Variants in ELP3 observed in about 807,000 individuals in gnomAD.
ELP3 encodes elongator acetyltransferase complex subunit 3.
ELP3 carries 56 observed loss-of-function variants against 74.9 expected under a neutral mutation model. The ratio of observed to expected loss-of-function variants is 0.75; its 90% CI spans 0.60 to 0.93. ELP3 has a LOEUF of 0.93. Among genes scored for constraint, ELP3 ranks in the 40% least tolerant of loss-of-function variants. ELP3 has a pLI of 0.00. For missense variants in ELP3, 573 were observed against 686.5 expected (o/e 0.83, Z 1.85); for synonymous variants, 222 against 239.8 (o/e 0.93, Z 0.68).
intron 14 of ELP3, among the ~76,000 whole-genome samples, chr8:28,172,327 G>A (rs1243095892): frequency 2.0e-5 from 3 of 151,928 alleles, no homozygotes; most frequent in Non-Finnish European, 4.4e-5. Flanking sequence ...ATTTCTTTTA[G>A]CAAAGTTTTG....
chr8:28,158,180 TTTTACTC>T (rs542912092), intron 11 of ELP3, among the ~76,000 whole-genome samples: 113 of 152,298 alleles, frequency 7.4e-4, no homozygotes, highest in Non-Finnish European at 1.2e-3. Context: ...GGAATTTACT[TTTTACTC>T]TTTATATACA....
chr8:28,140,056 G>A (rs1431906093), intron 10 of ELP3, among the ~76,000 whole-genome samples: 1 of 152,098 alleles, frequency 6.6e-6, no homozygotes, highest in East Asian at 1.9e-4. Context: ...GGATTTTGGT[G>A]TCTTTGGGAG....
chr8:28,106,526 C>A, intron 3 of ELP3, among the ~76,000 whole-genome samples, 187 bp from the exon 4 acceptor site: 1 of 132,396 alleles, frequency 7.6e-6, no homozygotes, highest in Non-Finnish European at 1.6e-5. Flanking sequence ...GGCGACAGAG[C>A]GAGACTCCGT....
chr8:28,101,206 A>G (rs530210462), intron 3 of ELP3, among the ~76,000 whole-genome samples: 2 of 152,188 alleles, frequency 1.3e-5, no homozygotes, highest in South Asian at 2.1e-4. Flanking sequence ...TCACAAGGTC[A>G]GGTCAAGACC....
At chr8:28,138,125 G>A (rs932444617) in intron 10 of ELP3, among the ~76,000 whole-genome samples, 4 of 152,168 alleles carry the variant, frequency 2.6e-5, no homozygotes, top group Non-Finnish European at 4.4e-5. Flanking sequence ...ACAGAGCCAT[G>A]ACGGTCAATA....
intron 10 of ELP3, among the ~76,000 whole-genome samples, chr8:28,139,539 G>C (rs34060633): frequency 6.6e-6 from 1 of 152,136 alleles, no homozygotes; most frequent in Non-Finnish European, 1.5e-5. Context: ...AAAACAGTGG[G>C]TGGTTATTGC....
chr8:28,112,913 T>G, intron 6 of ELP3, 106 bp from the exon 7 acceptor site: 1 of 1,049,140 alleles, frequency 9.5e-7, no homozygotes. Flanking sequence ...CTTCTGATTT[T>G]TAAACTGTAC....
At chr8:28,167,714 A>G (rs1029958222) in intron 14 of ELP3, among the ~76,000 whole-genome samples, 1 of 151,362 alleles carries the variant, frequency 6.6e-6, no homozygotes, top group Admixed American at 6.6e-5. Flanking sequence ...CTTTTGTACT[A>G]TCTTTGTGAC....
At chr8:28,092,068 G>T (rs1430795706), upstream of ELP3, among the ~76,000 whole-genome samples, 1 of 152,200 alleles carries the variant, frequency 6.6e-6, no homozygotes, top group Non-Finnish European at 1.5e-5. Context: ...GAATTCAACA[G>T]AAGTGTTGTA....
intron 9 of ELP3, among the ~76,000 whole-genome samples, chr8:28,135,175 G>T (rs1408860278): frequency 6.6e-6 from 1 of 152,112 alleles, no homozygotes; most frequent in Admixed American, 6.5e-5. Flanking sequence ...TGATCCGCCC[G>T]CCTCTGCCTC....
At position 28,158,018 on chromosome 8, in the gene ELP3, CTCCTT is replaced by C. The variant is rs553747741; in HGVS notation, c.1192-542_1192-538del. ...CCTTCTTTCCTTCCTTCCTTCCTTC[CTCCTT>C]TCCTTTCTTCCACAGTGCCCTTCTT... is the stretch of plus-strand genomic sequence containing the variant. On this transcript the variant is annotated intron_variant, in intron 11 of 14. Transcript: ENST00000256398. Among the ~76,000 whole-genome samples the C allele has an allele frequency of 5.4e-3, 777 of 144,008 alleles. 8 individuals carry two copies. The highest frequency in any genetic ancestry group is 0.019 in the African/African-American group (738 of 38,716). 94.5% of individuals were successfully genotyped at this position (144,008 alleles called of 152,430 possible).
chr8:28,104,514 A>T (rs905124409), intron 3 of ELP3, among the ~76,000 whole-genome samples: 1 of 152,236 alleles, frequency 6.6e-6, no homozygotes, highest in Non-Finnish European at 1.5e-5. Context: ...CACCTGTTGC[A>T]TTTAATTGTC....
intron 4 of ELP3, 127 bp from the exon 5 acceptor site, chr8:28,107,786 C>G: frequency 1.5e-6 from 1 of 675,854 alleles, no homozygotes; most frequent in Admixed American, 2.6e-5. Flanking sequence ...AAGGTAGATT[C>G]TTCTGTTAGG....
chr8:28,160,450 G>A lies in ELP3; in HGVS notation c.1479G>A (p.Gln493=). The A allele has an allele frequency of 6.2e-7, 1 of 1,613,292 alleles. No individual in the cohort carries two copies. The highest frequency in any genetic ancestry group is 8.5e-7 in the Non-Finnish European group (1 of 1,179,718). ...GCAGCCGGGATCCTACTAAATTTCA[G>A]CATCAGGTATCCTGTATTCCATTTC... The part of the protein sequence containing the change: ...PVSSRDPTKF[Q]HQGFGMLLME... Residue 493 remains glutamine (Q), a synonymous_variant, in exon 13 of 15, where the codon CAG becomes CAA. Coordinates refer to ENST00000256398, the MANE Select transcript of ELP3 (RefSeq NM_018091.6).
At chr8:28,131,715 C>G (rs1000137731) in intron 8 of ELP3, among the ~76,000 whole-genome samples, 1 of 152,206 alleles carries the variant, frequency 6.6e-6, no homozygotes, top group Non-Finnish European at 1.5e-5. Flanking sequence ...CCAAATGACT[C>G]TGCCTTCTCA....
chr8:28,155,798 G>C, intron 10 of ELP3, 144 bp from the exon 11 acceptor site: 1 of 585,062 alleles, frequency 1.7e-6, no homozygotes, highest in Non-Finnish European at 3.0e-6. Flanking sequence ...TTGTTAGGAG[G>C]CTTTGCCTCT....
chr8:28,138,308 T>C (rs531941748), intron 10 of ELP3, among the ~76,000 whole-genome samples: 2 of 152,308 alleles, frequency 1.3e-5, no homozygotes, highest in South Asian at 2.1e-4. Flanking sequence ...TTTACAGATA[T>C]TAATGTAAAT....
intron 14 of ELP3, among the ~76,000 whole-genome samples, chr8:28,178,812 A>G (rs1486686441): frequency 6.6e-6 from 1 of 152,140 alleles, no homozygotes; most frequent in African/African-American, 2.4e-5. Context: ...TATGAGTGGC[A>G]TTTCTTTGTG....
At chr8:28,154,883 A>AT (rs572535914) in intron 10 of ELP3, among the ~76,000 whole-genome samples, 73 of 152,312 alleles carry the variant, frequency 4.8e-4, no homozygotes, top group Non-Finnish European at 9.3e-4. Flanking sequence ...GCCTTAAAGA[A>AT]TTTTGACTTA....
Sources: gnomAD v4.1 joint callset for allele counts (sites outside exome capture counted in the v4.1 genomes callset) on GRCh38, gnomAD v4.1.1 for gene constraint, MANE v1.5 for transcripts, NCBI Gene and HGNC (gene_info 2026-07-23, HGNC 2026-07-21) for gene names.